Variants in PYGL observed in about 807,000 individuals in gnomAD.
PYGL encodes glycogen phosphorylase L, also known as glycogen phosphorylase, liver form.
In PYGL, 90 loss-of-function variants were observed where a neutral mutation model predicts 100.1. The ratio of observed to expected loss-of-function variants is 0.90; its 90% CI spans 0.76 to 1.07. The LOEUF (loss-of-function observed/expected upper bound fraction) is 1.07. Ranked by LOEUF, PYGL falls within the 50% of genes least tolerant of loss-of-function variation. The pLI, the probability that PYGL is intolerant of heterozygous loss-of-function variation, is 0.00. For missense variants in PYGL, 1,016 were observed against 1,057.6 expected (o/e 0.96, Z 0.55); for synonymous variants, 373 against 393.0 (o/e 0.95, Z 0.60).
intron 5 of PYGL, chr14:50,921,499 C>T (rs2050502239): frequency 6.2e-6 from 1 of 161,310 alleles, no homozygotes; most frequent in East Asian, 1.8e-4. Flanking sequence ...CCTGCCTCAG[C>T]CTCCCGAGTA....
intron 2 of PYGL, among the ~76,000 whole-genome samples, chr14:50,936,836 G>C (rs1381128638): frequency 6.6e-6 from 1 of 152,090 alleles, no homozygotes; most frequent in African/African-American, 2.4e-5. Flanking sequence ...AGTAGACATG[G>C]ATCACATCAC....
At chr14:50,935,913 G>A (rs181487028) in intron 2 of PYGL, among the ~76,000 whole-genome samples, 51 of 152,266 alleles carry the variant, frequency 3.3e-4, no homozygotes, top group African/African-American at 1.1e-3. Context: ...TTTTCCCTGG[G>A]GTGGATAAGA....
chr14:50,926,115 T>C (rs1953873), intron 4 of PYGL, among the ~76,000 whole-genome samples: 33,827 of 152,092 alleles, frequency 0.22, 4,227 homozygotes, highest in East Asian at 0.45. Flanking sequence ...TAAAATTTTT[T>C]TGAGGCAGGA....
chr14:50,920,940 C>A lies in PYGL; in HGVS notation c.772+16G>T, dbSNP rs17123173. ...AAGCACACGCATAAAGAAACCAAGG[C>A]CTGTGCTGTACTCACAGTCTCTGAG... On this transcript the variant is annotated intron_variant, in intron 6 of 19. Transcript: ENST00000216392. 0.027 allele frequency: 42,352 copies of A among 1,593,836 alleles called. 899 individuals carry two copies. The highest frequency in any genetic ancestry group is 0.11 in the East Asian group (4,910 of 44,806).
At chr14:50,930,273 A>G (rs1379660311) in intron 4 of PYGL, among the ~76,000 whole-genome samples, 1 of 152,212 alleles carries the variant, frequency 6.6e-6, no homozygotes, top group Non-Finnish European at 1.5e-5. Flanking sequence ...ACATGTTTTT[A>G]TAATAATTCT....
chr14:50,937,305 A>C (rs1388805346), intron 2 of PYGL, among the ~76,000 whole-genome samples: 1 of 152,266 alleles, frequency 6.6e-6, no homozygotes, highest in Non-Finnish European at 1.5e-5. Flanking sequence ...GTATGACAAC[A>C]GAATTTTTAA....
In PYGL at chr14:50,911,734, T is replaced by A. The variant is rs528040841; in HGVS notation, c.1965A>T (p.Glu655Asp). The A allele has an allele frequency of 6.2e-7, 1 of 1,614,204 alleles. No individual in the cohort carries two copies. Among genetic ancestry groups the A allele is most frequent in the Admixed American group, 1.7e-5 (1 of 60,022 alleles). Residue 655 changes from glutamate to aspartate, a missense_variant, in exon 16 of 20, where the codon GAA becomes GAT. Physicochemically the swap from Glu to Asp is conservative, Grantham distance 45. Transcript: ENST00000216392. ...ATTTTGCAATGAGGGTAGTACCTTT[T>A]TCAGCAAGAGATACTCTGTAGTTCT... ...FLENYRVSLA[E>D]KVIPATDLSE... is the part of the protein sequence containing the mutation.
intron 4 of PYGL, among the ~76,000 whole-genome samples, chr14:50,929,991 T>C (rs1419709822): frequency 6.6e-6 from 1 of 152,226 alleles, no homozygotes; most frequent in Non-Finnish European, 1.5e-5. Flanking sequence ...GAAGCTTTGA[T>C]GTATTTTTTT....
At position 50,944,472 on chromosome 14, in the gene PYGL, C is replaced by T; in HGVS notation, c.-69G>A. 6.6e-7 allele frequency: 1 copy of T among 1,519,528 alleles called. No individual in the cohort carries two copies. Among genetic ancestry groups the T allele is most frequent in the Non-Finnish European group, 8.8e-7 (1 of 1,136,660 alleles). The allele number at this position is 1,519,528 out of a possible 1,614,324, so 94.1% of individuals were successfully genotyped here. On this transcript the variant is annotated 5_prime_UTR_variant, in exon 1 of 20. Coordinates refer to ENST00000216392, the MANE Select transcript of PYGL (RefSeq NM_002863.5). ...AAGTGCGGCCGGAGGCGCTGGGCTG[C>T]CGGGCAGGGGTGGAGTCCGCCCCGC...
intron 12 of PYGL, among the ~76,000 whole-genome samples, chr14:50,914,484 G>A (rs754203305): frequency 6.9e-6 from 1 of 144,346 alleles, no homozygotes; most frequent in Non-Finnish European, 1.5e-5. Flanking sequence ...GTGATAGAGT[G>A]AAACTCTGTC....
At position 50,905,384 on chromosome 14, in the gene PYGL, T is replaced by G; in HGVS notation, c.*8A>C. ...AGAAGCTATGTTTTCTAGAGACAATTCTAGAGTTCAATTTCCATTGACTTT... is the reference window on the plus strand; with the variant it reads ...AGAAGCTATGTTTTCTAGAGACAATGCTAGAGTTCAATTTCCATTGACTTT... On this transcript the variant is annotated 3_prime_UTR_variant, in exon 20 of 20. Coordinates refer to ENST00000216392, the MANE Select transcript of PYGL (RefSeq NM_002863.5). 6.2e-7 allele frequency: 1 copy of G among 1,604,804 alleles called. No homozygotes were observed. Among genetic ancestry groups the G allele is most frequent in the Non-Finnish European group, 8.5e-7 (1 of 1,173,068 alleles).
Position 50,908,968 on chromosome 14 carries a change from G to A in PYGL, c.2178-13C>T, listed in dbSNP as rs1451678171. 1.9e-6 allele frequency: 3 copies of A among 1,562,792 alleles called. No individual in the cohort carries two copies. Among genetic ancestry groups the A allele is most frequent in the African/African-American group, 1.5e-5 (1 of 66,840 alleles). ...TTTTGCCTCGTACCTGTGGGGTAGGGGTGGGTGGGTGATAAAAAAAGGCTC... is the reference window on the plus strand; with the variant it reads ...TTTTGCCTCGTACCTGTGGGGTAGGAGTGGGTGGGTGATAAAAAAAGGCTC... On this transcript the variant is annotated splice_polypyrimidine_tract_variant and intron_variant, in intron 17 of 19. Transcript: ENST00000216392.
chr14:50,908,373 C>G, intron 18 of PYGL, 36 bp from the exon 19 acceptor site: 1 of 1,486,156 alleles, frequency 6.7e-7, no homozygotes, highest in Non-Finnish European at 9.4e-7. Flanking sequence ...AAAAAACAGT[C>G]AAAATCTTCA....
At position 50,915,951 on chromosome 14, in the gene PYGL, CT is replaced by C; in HGVS notation, c.1112del (p.Lys371ArgfsTer37). ...CTGTGTGGTTGGTGTAGGCGAAGGT[CT>C]TCTGGGTGAGCTCCCATGCCTGGGG... ...PWSKAWELTQ[K>X]TFAYTNHTVL... On this transcript the variant is annotated frameshift_variant, in exon 10 of 20. Transcript: ENST00000216392. LOFTEE classifies it high-confidence loss of function. The C allele has an allele frequency of 2.5e-6, 4 of 1,614,160 alleles. No individual in the cohort carries two copies. Among genetic ancestry groups the C allele is most frequent in the Non-Finnish European group, 3.4e-6 (4 of 1,180,012 alleles).
chr14:50,931,701 A>C lies in PYGL; in HGVS notation c.500T>G (p.Phe167Cys), dbSNP rs756112271. 5 of 1,614,008 alleles carry C rather than the reference A, an allele frequency of 3.1e-6. No homozygotes were observed. The Admixed American group carries it at 8.3e-5, about 27-fold the overall frequency. Residue 167 changes from phenylalanine to cysteine, a missense_variant, in exon 4 of 20, where the codon TTC becomes TGC. Coordinates refer to ENST00000216392, the MANE Select transcript of PYGL (RefSeq NM_002863.5). ...CCATCCATCTCGGATCTTCTGATTG[A>C]AAATCCCATATTCATACCGAATGCC... ...GYGIRYEYGIFNQKIRDGWQV... is the reference protein window; with the variant it reads ...GYGIRYEYGICNQKIRDGWQV...
intron 1 of PYGL, among the ~76,000 whole-genome samples, chr14:50,943,391 G>C (rs987783460): frequency 6.6e-6 from 1 of 152,168 alleles, no homozygotes; most frequent in Non-Finnish European, 1.5e-5. Flanking sequence ...CTCTGCTCCC[G>C]CCCCCACGCC....
At chr14:50,926,797 T>C (rs1323139134) in intron 4 of PYGL, among the ~76,000 whole-genome samples, 1 of 113,238 alleles carries the variant, frequency 8.8e-6, no homozygotes. Context: ...AATGCTATAA[T>C]AAATAAAATG....
At chr14:50,941,127 G>A (rs1187891998) in intron 1 of PYGL, among the ~76,000 whole-genome samples, 1 of 152,212 alleles carries the variant, frequency 6.6e-6, no homozygotes. Flanking sequence ...GCAGGGGCAA[G>A]ATGCGTTGCT....
At chr14:50,934,307 C>CT (rs1566512470) in intron 3 of PYGL, among the ~76,000 whole-genome samples, 1 of 152,098 alleles carries the variant, frequency 6.6e-6, no homozygotes, top group East Asian at 1.9e-4. Context: ...CAATGGTTGA[C>CT]CAACTGGGGT....
Sources: gnomAD v4.1 joint callset for allele counts (sites outside exome capture counted in the v4.1 genomes callset) on GRCh38, gnomAD v4.1.1 for gene constraint, MANE v1.5 for transcripts, NCBI Gene and HGNC (gene_info 2026-07-23, HGNC 2026-07-21) for gene names.